Variants in ZMAT4 observed in about 807,000 individuals in gnomAD.
ZMAT4 encodes the protein zinc finger matrin-type protein 4.
A neutral mutation model predicts 28.7 loss-of-function variants in ZMAT4; 17 were observed. The observed-to-expected ratio is 0.59, with a 90% confidence interval of 0.41 to 0.89. ZMAT4 has a LOEUF of 0.89. Among genes scored for constraint, ZMAT4 ranks in the 40% least tolerant of loss-of-function variants. ZMAT4 has a pLI of 0.00. For missense variants in ZMAT4, 240 were observed against 283.8 expected (o/e 0.85, Z 1.11); for synonymous variants, 117 against 109.2 (o/e 1.07, Z -0.44).
chr8:40,870,625 C>A (rs529797845), intron 1 of ZMAT4, among the ~76,000 whole-genome samples: 1 of 152,140 alleles, frequency 6.6e-6, no homozygotes, highest in Non-Finnish European at 1.5e-5. Flanking sequence ...CTTACGTGTC[C>A]TATGTCCTCG....
intron 4 of ZMAT4, chr8:40,690,922 C>T (rs962516143): frequency 3.0e-6 from 3 of 985,048 alleles, no homozygotes; most frequent in Non-Finnish European, 3.6e-6. Flanking sequence ...TTATCCGTTG[C>T]TTTTCTTACA....
At chr8:40,648,327 A>G (rs968905754) in intron 5 of ZMAT4, among the ~76,000 whole-genome samples, 1 of 150,914 alleles carries the variant, frequency 6.6e-6, no homozygotes, top group African/African-American at 2.4e-5. Context: ...GGTATCAGCA[A>G]TGGAAGATGA....
chr8:40,581,031 C>A, intron 6 of ZMAT4, 134 bp downstream of exon 6: 2 of 628,770 alleles, frequency 3.2e-6, no homozygotes, highest in Admixed American at 2.8e-5. Flanking sequence ...GCATAAATAT[C>A]ATGTGAACTT....
chr8:40,656,286 G>A (rs1370842607), intron 5 of ZMAT4, among the ~76,000 whole-genome samples: 1 of 152,114 alleles, frequency 6.6e-6, no homozygotes, highest in Non-Finnish European at 1.5e-5. Context: ...AATAAAGAAG[G>A]TAGATAATAA....
At chr8:40,623,338 T>C (rs963838453) in intron 5 of ZMAT4, among the ~76,000 whole-genome samples, 1 of 152,178 alleles carries the variant, frequency 6.6e-6, no homozygotes, top group African/African-American at 2.4e-5. Context: ...GCAAACACTG[T>C]AAGCATTCTC....
intron 6 of ZMAT4, among the ~76,000 whole-genome samples, chr8:40,551,129 G>T (rs1024246483): frequency 1.3e-5 from 2 of 152,036 alleles, no homozygotes; most frequent in Admixed American, 1.3e-4. Flanking sequence ...AATCCATAAT[G>T]GTTCTTTAGT....
At chr8:40,643,410 G>A (rs1288462827) in intron 5 of ZMAT4, among the ~76,000 whole-genome samples, 1 of 152,148 alleles carries the variant, frequency 6.6e-6, no homozygotes, top group Non-Finnish European at 1.5e-5. Context: ...TTAGAAATAT[G>A]TCAGTGACCA....
At chr8:40,889,347 G>A (rs1220358058) in intron 1 of ZMAT4, among the ~76,000 whole-genome samples, 2 of 152,190 alleles carry the variant, frequency 1.3e-5, no homozygotes, top group African/African-American at 2.4e-5. Context: ...CAGGATGCAG[G>A]CATTTCACAT....
chr8:40,743,878 C>T (rs1446783835), intron 3 of ZMAT4, among the ~76,000 whole-genome samples: 1 of 152,140 alleles, frequency 6.6e-6, no homozygotes, highest in Non-Finnish European at 1.5e-5. Context: ...TCACGGTGGC[C>T]TTCGTGGTAC....
intron 3 of ZMAT4, among the ~76,000 whole-genome samples, chr8:40,762,659 A>T (rs561932399): frequency 6.6e-6 from 1 of 152,202 alleles, no homozygotes; most frequent in East Asian, 1.9e-4. Context: ...CCATCTCTAA[A>T]AATAAAAAAA....
intron 6 of ZMAT4, among the ~76,000 whole-genome samples, chr8:40,580,415 C>T (rs75596847): frequency 1.3e-5 from 2 of 152,144 alleles, no homozygotes; most frequent in African/African-American, 4.8e-5. Flanking sequence ...GGTCTTGATA[C>T]AGTCCAATAT....
At chr8:40,718,982 T>A (rs996389462) in intron 3 of ZMAT4, among the ~76,000 whole-genome samples, 3 of 152,188 alleles carry the variant, frequency 2.0e-5, no homozygotes, top group Admixed American at 2.0e-4. Context: ...GAGAGGAAAC[T>A]AAATGATCAA....
At chr8:40,751,717 C>T (rs1005031706) in intron 3 of ZMAT4, among the ~76,000 whole-genome samples, 9 of 152,074 alleles carry the variant, frequency 5.9e-5, no homozygotes, top group Middle Eastern at 3.4e-3. Flanking sequence ...AGTAAGAGGG[C>T]GGTTACAGAA....
chr8:40,877,456 G>A (rs1818078942), intron 1 of ZMAT4, among the ~76,000 whole-genome samples: 1 of 152,122 alleles, frequency 6.6e-6, no homozygotes, highest in Non-Finnish European at 1.5e-5. Flanking sequence ...TGCTGAAAAA[G>A]GTGCCCTCTT....
intron 1 of ZMAT4, among the ~76,000 whole-genome samples, chr8:40,871,615 G>A (rs747014618): frequency 2.0e-5 from 3 of 152,196 alleles, no homozygotes; most frequent in Non-Finnish European, 2.9e-5. Context: ...TCCCAACCAG[G>A]ACATGGAGCA....
intron 3 of ZMAT4, among the ~76,000 whole-genome samples, chr8:40,762,700 T>A (rs1438427648): frequency 6.6e-6 from 1 of 151,272 alleles, no homozygotes; most frequent in African/African-American, 2.4e-5. Context: ...GAGGCAGAGG[T>A]TTTTGTGGTA....
At position 40,825,654 on chromosome 8, in the gene ZMAT4, T is replaced by C; in HGVS notation, c.23A>G (p.Gln8Arg). 1.3e-6 allele frequency: 2 copies of C among 1,554,952 alleles called. No individual in the cohort carries two copies. Among genetic ancestry groups the C allele is most frequent in the Non-Finnish European group, 1.7e-6 (2 of 1,148,214 alleles). The stretch of plus-strand genomic sequence containing the variant: ...GCAGTAACTGTCTGTGAATAAATCC[T>C]GATCAATATCGGAGGACTTCATCAG... MKSSDID[Q>R]DLFTDSYCKV... Residue 8 changes from glutamine to arginine, a missense_variant, in exon 2 of 7, where the codon CAG (glutamine) becomes CGG (arginine). Transcript: ENST00000297737.
chr8:40,797,299 G>A (rs144124325), intron 2 of ZMAT4, among the ~76,000 whole-genome samples: 1 of 152,330 alleles, frequency 6.6e-6, no homozygotes, highest in East Asian at 1.9e-4. Flanking sequence ...CCACTTGAGT[G>A]ATATGACACT....
intron 3 of ZMAT4, among the ~76,000 whole-genome samples, chr8:40,719,189 C>T (rs187200374): frequency 2.4e-4 from 36 of 152,212 alleles, no homozygotes; most frequent in Admixed American, 1.0e-3. Flanking sequence ...TACCTGTAAC[C>T]CCAGCACTTT....
Sources: gnomAD v4.1 joint callset for allele counts (sites outside exome capture counted in the v4.1 genomes callset) on GRCh38, gnomAD v4.1.1 for gene constraint, MANE v1.5 for transcripts, NCBI Gene and HGNC (gene_info 2026-07-23, HGNC 2026-07-21) for gene names.